The following OSBPL10 variants were observed in gnomAD, a reference collection of about 807,000 sequenced individuals.
OSBPL10 encodes the protein oxysterol binding protein like 10.
In OSBPL10, 49 loss-of-function variants were observed where a neutral mutation model predicts 81.7. The ratio of observed to expected loss-of-function variants is 0.60; its 90% CI spans 0.48 to 0.76. OSBPL10 has a LOEUF of 0.76. OSBPL10 is among the 30% of genes least tolerant of loss of function. The pLI, the probability that OSBPL10 is intolerant of heterozygous loss-of-function variation, is 0.00. For missense variants in OSBPL10, 923 were observed against 987.8 expected, an observed-to-expected ratio of 0.93 and a Z score of 0.88; for synonymous variants, 419 against 383.6, an observed-to-expected ratio of 1.09 and a Z score of -1.08.
intron 1 of OSBPL10, among the ~76,000 whole-genome samples, chr3:32,069,348 T>G (rs946147618): frequency 2.6e-5 from 4 of 152,106 alleles, no homozygotes; most frequent in African/African-American, 9.7e-5. Flanking sequence ...ATTAGAGCAG[T>G]TCCCCGAGAA....
intron 3 of OSBPL10, among the ~76,000 whole-genome samples, chr3:31,845,599 A>G (rs1700608964): frequency 6.6e-6 from 1 of 152,224 alleles, no homozygotes; most frequent in Non-Finnish European, 1.5e-5. Context: ...TATTACACAC[A>G]GAGCAGAATC....
chr3:31,737,961 C>T (rs1295540361), intron 5 of OSBPL10, among the ~76,000 whole-genome samples: 1 of 150,472 alleles, frequency 6.6e-6, no homozygotes, highest in African/African-American at 2.4e-5. Flanking sequence ...CACTGCACTC[C>T]AGCCCTCCAG....
intron 1 of OSBPL10, among the ~76,000 whole-genome samples, chr3:31,892,166 GGA>G (rs1421545191): frequency 1.3e-5 from 2 of 152,110 alleles, no homozygotes; most frequent in African/African-American, 4.8e-5. Context: ...GAAGAGGAGA[GGA>G]GAGAGTTCCA....
At chr3:31,810,977 T>C (rs1461821815) in intron 4 of OSBPL10, among the ~76,000 whole-genome samples, 1 of 152,156 alleles carries the variant, frequency 6.6e-6, no homozygotes, top group Non-Finnish European at 1.5e-5. Flanking sequence ...AGCGAGAGTG[T>C]CGAGTGCTAA....
intron 1 of OSBPL10, among the ~76,000 whole-genome samples, chr3:31,953,931 T>C (rs532049209): frequency 6.6e-6 from 1 of 152,296 alleles, no homozygotes; most frequent in African/African-American, 2.4e-5. Flanking sequence ...CCTTTTTCCA[T>C]CAGAGAGTTC....
At chr3:31,946,003 T>TG (rs34063794) in intron 1 of OSBPL10, among the ~76,000 whole-genome samples, 99,111 of 151,676 alleles carry the variant, frequency 0.65, 34,020 homozygotes, top group African/African-American at 0.87. Flanking sequence ...TTTTCTGAGA[T>TG]GGGTTTCACT....
At chr3:31,681,775 T>TGCTCA (rs1700657133) in intron 8 of OSBPL10, among the ~76,000 whole-genome samples, 1 of 152,226 alleles carries the variant, frequency 6.6e-6, no homozygotes, top group Admixed American at 6.5e-5. Flanking sequence ...CAGAAATCAG[T>TGCTCA]GCTCACTCAG....
rs567376576 is a variant in OSBPL10, at chr3:31,937,841, A to G, written c.281+43058T>C. 4.6e-5 allele frequency among the ~76,000 whole-genome samples: 7 copies of G among 152,218 alleles called. No homozygotes were observed. The South Asian group carries it at 1.0e-3, about 23-fold the overall frequency. On this transcript the variant is annotated intron_variant, in intron 1 of 11. Transcript: ENST00000396556. ...GTAAAATTTACCTCCATGTCTCTCA[A>G]TCATTCTATCTCATTCGCTGAAGAC...
At chr3:31,894,936 CCCT>C (rs1440862641) in intron 1 of OSBPL10, among the ~76,000 whole-genome samples, 1 of 152,162 alleles carries the variant, frequency 6.6e-6, no homozygotes, top group Non-Finnish European at 1.5e-5. Flanking sequence ...TACCTTCCCT[CCCT>C]CCTCCACTTG....
chr3:31,812,718 A>AGG (rs1553628775), intron 4 of OSBPL10, among the ~76,000 whole-genome samples: 1 of 41,942 alleles, frequency 2.4e-5, no homozygotes, highest in East Asian at 1.5e-3. Flanking sequence ...TAGGCAAAAA[A>AGG]AAAGAAAGAA....
At chr3:31,662,143 T>C in intron 11 of OSBPL10, 27 bp from the exon 12 acceptor site, 1 of 1,613,824 alleles carries the variant, frequency 6.2e-7, no homozygotes, top group Non-Finnish European at 8.5e-7. Flanking sequence ...GAGGCATTAT[T>C]ACATGGAGAC....
At chr3:31,866,318 T>G (rs1342053680) in intron 3 of OSBPL10, among the ~76,000 whole-genome samples, 1 of 151,894 alleles carries the variant, frequency 6.6e-6, no homozygotes, top group Admixed American at 6.6e-5. Flanking sequence ...CAAACAGGGG[T>G]GGTGTCTGCA....
chr3:31,959,115 G>A (rs929418470), intron 1 of OSBPL10, among the ~76,000 whole-genome samples: 1 of 152,138 alleles, frequency 6.6e-6, no homozygotes, highest in African/African-American at 2.4e-5. Flanking sequence ...TTGCCAACAA[G>A]CCAAGGTCCA....
At chr3:31,808,855 T>C (rs1434495963) in intron 4 of OSBPL10, among the ~76,000 whole-genome samples, 1 of 152,246 alleles carries the variant, frequency 6.6e-6, no homozygotes, top group Admixed American at 6.5e-5. Context: ...CATTTCCCAC[T>C]GTACTCCCAG....
intron 5 of OSBPL10, among the ~76,000 whole-genome samples, chr3:31,736,302 GACT>G (rs1393782161): frequency 6.6e-6 from 1 of 151,656 alleles, no homozygotes; most frequent in South Asian, 2.1e-4. Flanking sequence ...ATGTGTATTT[GACT>G]ACAATTTTTT....
chr3:31,966,631 G>C, intron 1 of OSBPL10, among the ~76,000 whole-genome samples: 1 of 151,730 alleles, frequency 6.6e-6, no homozygotes, highest in East Asian at 1.9e-4. Flanking sequence ...AGATAATAAG[G>C]GAATACTAGA....
intron 7 of OSBPL10, among the ~76,000 whole-genome samples, chr3:31,692,159 A>G (rs1392399009): frequency 1.3e-5 from 2 of 152,206 alleles, no homozygotes; most frequent in Non-Finnish European, 2.9e-5. Context: ...AGTCCCAGAC[A>G]TCAGCTCACA....
At chr3:31,717,481 C>T (rs1197163642) in intron 6 of OSBPL10, among the ~76,000 whole-genome samples, 1 of 152,164 alleles carries the variant, frequency 6.6e-6, no homozygotes, top group African/African-American at 2.4e-5. Context: ...TGGCAGAAAA[C>T]AGGCTCTAGC....
intron 4 of OSBPL10, among the ~76,000 whole-genome samples, chr3:31,756,588 C>T (rs1697896162): frequency 6.6e-6 from 1 of 152,136 alleles, no homozygotes; most frequent in Non-Finnish European, 1.5e-5. Flanking sequence ...AAACATCACC[C>T]CTTATATATA....
Sources: gnomAD v4.1 joint callset for allele counts (sites outside exome capture counted in the v4.1 genomes callset) on GRCh38, gnomAD v4.1.1 for gene constraint, MANE v1.5 for transcripts, NCBI Gene and HGNC (gene_info 2026-07-23, HGNC 2026-07-21) for gene names.